The following UBE2K variants were observed in gnomAD, a reference collection of about 807,000 sequenced individuals.
The protein encoded by UBE2K is ubiquitin conjugating enzyme E2 K.
A neutral mutation model predicts 30.0 loss-of-function variants in UBE2K; 6 were observed. The observed-to-expected ratio is 0.20, with a 90% CI of 0.11 to 0.39. UBE2K has a LOEUF of 0.39. Ranked by LOEUF, UBE2K falls within the 10% of genes least tolerant of loss-of-function variation. UBE2K has a pLI of 1.00. For synonymous variants in UBE2K, 86 were observed against 83.7 expected (o/e 1.03, Z -0.15); for missense variants, 61 against 241.6 (o/e 0.25, Z 4.96).
At chr4:39,709,940 G>T (rs2109310170) in intron 1 of UBE2K, 1 of 152,160 alleles carries the variant, frequency 6.6e-6, no homozygotes, top group African/African-American at 2.4e-5. Flanking sequence ...GGATCCCTTT[G>T]CAAATCCCTT....
chr4:39,769,247 T>C (rs1046733784), intron 4 of UBE2K, among the ~76,000 whole-genome samples: 2 of 151,906 alleles, frequency 1.3e-5, no homozygotes, highest in African/African-American at 4.8e-5. Context: ...TTTTTGTTTT[T>C]TATTTTGTGG....
At chr4:39,717,724 T>C (rs574499018) in intron 1 of UBE2K, among the ~76,000 whole-genome samples, 1 of 152,326 alleles carries the variant, frequency 6.6e-6, no homozygotes, top group South Asian at 2.1e-4. Context: ...CACGGACCCT[T>C]GCGGTGAGTG....
intron 1 of UBE2K, among the ~76,000 whole-genome samples, chr4:39,717,726 C>T (rs980426056): frequency 1.3e-5 from 2 of 152,178 alleles, no homozygotes; most frequent in Admixed American, 6.5e-5. Flanking sequence ...CGGACCCTTG[C>T]GGTGAGTGTT....
At chr4:39,730,484 G>A (rs1386022038) in intron 1 of UBE2K, among the ~76,000 whole-genome samples, 2 of 152,008 alleles carry the variant, frequency 1.3e-5, no homozygotes, top group Non-Finnish European at 2.9e-5. Flanking sequence ...AAAAATGCTA[G>A]CTGCAGCCTG....
chr4:39,771,752 G>GGATGCT (rs1712885070), intron 4 of UBE2K, among the ~76,000 whole-genome samples: 1 of 152,166 alleles, frequency 6.6e-6, no homozygotes, highest in African/African-American at 2.4e-5. Flanking sequence ...ACTTCCCAAG[G>GGATGCT]GATGCTGATG....
chr4:39,719,137 C>G (rs970460062), intron 1 of UBE2K, among the ~76,000 whole-genome samples: 2 of 152,258 alleles, frequency 1.3e-5, no homozygotes, highest in African/African-American at 4.8e-5. Context: ...ACACATACCT[C>G]AGACTTTCAG....
At chr4:39,721,072 C>T (rs1719395540) in intron 1 of UBE2K, among the ~76,000 whole-genome samples, 1 of 152,060 alleles carries the variant, frequency 6.6e-6, no homozygotes, top group Non-Finnish European at 1.5e-5. Flanking sequence ...TTTTCTTTTC[C>T]TGATGGACTG....
intron 3 of UBE2K, among the ~76,000 whole-genome samples, chr4:39,752,604 G>A (rs1721328598): frequency 6.6e-6 from 1 of 152,052 alleles, no homozygotes; most frequent in South Asian, 2.1e-4. Context: ...CCAAAGTGCT[G>A]GGATTACAGG....
chr4:39,750,314 A>T (rs907444659), intron 3 of UBE2K, among the ~76,000 whole-genome samples: 3 of 152,264 alleles, frequency 2.0e-5, no homozygotes, highest in African/African-American at 7.2e-5. Context: ...CTGAAGTGTT[A>T]AACTAAAGAG....
intron 5 of UBE2K, among the ~76,000 whole-genome samples, chr4:39,776,420 TCTTA>T (rs1713287279): frequency 6.6e-6 from 1 of 152,208 alleles, no homozygotes; most frequent in African/African-American, 2.4e-5. Context: ...AAAGTGCAAA[TCTTA>T]CTTCACTAAC....
intron 1 of UBE2K, among the ~76,000 whole-genome samples, chr4:39,720,675 C>T (rs189475898): frequency 1.2e-3 from 183 of 152,150 alleles, no homozygotes; most frequent in African/African-American, 4.2e-3. Context: ...ACTCTGTATA[C>T]GTATAGATAG....
chr4:39,718,841 C>T (rs531012505), intron 1 of UBE2K, among the ~76,000 whole-genome samples: 5 of 152,258 alleles, frequency 3.3e-5, no homozygotes, highest in Admixed American at 3.3e-4. Flanking sequence ...TCTAGCTGGC[C>T]TGCAAACGCC....
chr4:39,735,700 T>A (rs1318750818), intron 1 of UBE2K, among the ~76,000 whole-genome samples: 2 of 152,164 alleles, frequency 1.3e-5, no homozygotes, highest in Non-Finnish European at 2.9e-5. Flanking sequence ...GTTTTACTGT[T>A]GCTAAAATGT....
chr4:39,702,821 G>A (rs1193827367), intron 1 of UBE2K, among the ~76,000 whole-genome samples: 1 of 151,770 alleles, frequency 6.6e-6, no homozygotes, highest in African/African-American at 2.4e-5. Context: ...TGGGCAGATA[G>A]TTCTTTGTTG....
At position 39,712,929 on chromosome 4, in the gene UBE2K, G is replaced by A. The variant is rs182730256; in HGVS notation, c.63+14539G>A. Among the ~76,000 whole-genome samples the A allele has an allele frequency of 4.0e-3, 599 of 150,682 alleles. 11 individuals carry two copies. The highest frequency in any genetic ancestry group is 0.014 in the African/African-American group (572 of 40,930). ...CGCCCAGACTGGAGTGCCGTGGCGC[G>A]ATCTTGGCTCGCTGCAACCTCTGCC... On this transcript the variant is annotated intron_variant, in intron 1 of 6. Coordinates refer to ENST00000261427, the MANE Select transcript of UBE2K (RefSeq NM_005339.5).
intron 1 of UBE2K, among the ~76,000 whole-genome samples, chr4:39,709,397 A>G (rs302936): frequency 0.032 from 4,870 of 152,156 alleles, 262 homozygotes; most frequent in African/African-American, 0.11. Flanking sequence ...CTAGTGGCCA[A>G]GTAGTCCACC....
intron 1 of UBE2K, chr4:39,714,550 A>ATATATTT: frequency 5.6e-5 from 1 of 17,842 alleles, no homozygotes; most frequent in African/African-American, 2.5e-4. Flanking sequence ...ATATATATAT[A>ATATATTT]TTTTTTTTTT....
At chr4:39,700,890 G>T (rs904285076) in intron 1 of UBE2K, among the ~76,000 whole-genome samples, 2 of 141,412 alleles carry the variant, frequency 1.4e-5, no homozygotes, top group African/African-American at 5.4e-5. Flanking sequence ...CAAGATAAAT[G>T]TGAAAAAGCA....
intron 4 of UBE2K, chr4:39,771,223 A>G: frequency 6.2e-7 from 1 of 1,612,256 alleles, no homozygotes; most frequent in African/African-American, 1.3e-5. Flanking sequence ...CATCAGGGAG[A>G]CCTGCAGCTC....
Sources: allele counts gnomAD v4.1 joint callset (sites outside exome capture counted in the v4.1 genomes callset), GRCh38; gene constraint gnomAD v4.1.1; transcripts MANE v1.5; gene names NCBI Gene and HGNC (gene_info 2026-07-23, HGNC 2026-07-21).